Variants in PALM2AKAP2 observed in about 807,000 individuals in gnomAD.
PALM2AKAP2 encodes the protein PALM2 and AKAP2 fusion.
PALM2AKAP2 carries 37 observed loss-of-function variants against 71.5 expected under a neutral mutation model. That is an observed-to-expected ratio of 0.52 (90% CI 0.40 to 0.68). PALM2AKAP2 has a LOEUF of 0.68. Ranked by LOEUF, PALM2AKAP2 falls within the 30% of genes least tolerant of loss-of-function variation. PALM2AKAP2 has a pLI of 0.00. For synonymous variants in PALM2AKAP2, 468 were observed against 478.8 expected (o/e 0.98, Z 0.29); for missense variants, 1,224 against 1,191.8 (o/e 1.03, Z -0.40).
intron 1 of PALM2AKAP2, among the ~76,000 whole-genome samples, chr9:110,085,431 C>T (rs1259248012): frequency 6.6e-6 from 1 of 151,048 alleles, no homozygotes. Flanking sequence ...CAGGAAGACC[C>T]ATGGCTGTGG....
At chr9:109,672,575 T>A (rs948549467) in intron 1 of PALM2AKAP2, among the ~76,000 whole-genome samples, 1 of 152,158 alleles carries the variant, frequency 6.6e-6, no homozygotes, top group African/African-American at 2.4e-5. Context: ...TTTTTTGTTG[T>A]TGTATCTCTG....
chr9:110,119,082 C>T (rs1328039176), intron 1 of PALM2AKAP2, among the ~76,000 whole-genome samples: 6 of 151,852 alleles, frequency 4.0e-5, no homozygotes, highest in East Asian at 1.9e-4. Flanking sequence ...CAGTGGTTCA[C>T]GCCTGTAATC....
chr9:110,136,986 T>C, exon 2 of PALM2AKAP2: 1 of 1,613,810 alleles, frequency 6.2e-7, no homozygotes, highest in Non-Finnish European at 8.5e-7. Context: ...GAAAAAACCA[T>C]CGAGGAGCAG....
intron 1 of PALM2AKAP2, among the ~76,000 whole-genome samples, chr9:110,064,778 CT>C (rs1834039769): frequency 6.6e-6 from 1 of 152,162 alleles, no homozygotes; most frequent in Non-Finnish European, 1.5e-5. Context: ...GAAACGACCC[CT>C]CATTCATTAT....
At chr9:110,119,954 T>G (rs1388554104) in intron 1 of PALM2AKAP2, among the ~76,000 whole-genome samples, 1 of 152,222 alleles carries the variant, frequency 6.6e-6, no homozygotes, top group Non-Finnish European at 1.5e-5. Context: ...AGCAGTGGTA[T>G]TATGCCATTT....
intron 1 of PALM2AKAP2, among the ~76,000 whole-genome samples, chr9:110,131,557 C>G (rs1368943819): frequency 1.3e-5 from 2 of 152,182 alleles, no homozygotes; most frequent in Non-Finnish European, 2.9e-5. Flanking sequence ...GATACCAAGC[C>G]CAGATTCCTG....
intron 1 of PALM2AKAP2, among the ~76,000 whole-genome samples, chr9:109,844,046 T>A (rs1828783178): frequency 6.6e-6 from 1 of 152,242 alleles, no homozygotes; most frequent in Non-Finnish European, 1.5e-5. Context: ...TGCCTTTTGA[T>A]GATTTATTTG....
intron 1 of PALM2AKAP2, among the ~76,000 whole-genome samples, chr9:110,117,478 T>C (rs1835388291): frequency 1.3e-5 from 2 of 152,330 alleles, no homozygotes; most frequent in South Asian, 4.1e-4. Flanking sequence ...CAGCTTTTCA[T>C]CACCCCTTTA....
At chr9:109,734,840 G>T (rs905185590) in intron 1 of PALM2AKAP2, among the ~76,000 whole-genome samples, 1 of 152,018 alleles carries the variant, frequency 6.6e-6, no homozygotes, top group Non-Finnish European at 1.5e-5. Context: ...ACGGAAAGAG[G>T]GTCCCTCTGC....
At chr9:109,988,894 G>A (rs1429707726) in intron 6 of PALM2AKAP2, among the ~76,000 whole-genome samples, 1 of 152,148 alleles carries the variant, frequency 6.6e-6, no homozygotes, top group Non-Finnish European at 1.5e-5. Context: ...CTGTTCTCGT[G>A]TTAGTGAATA....
chr9:109,845,182 G>C (rs1427518686), intron 1 of PALM2AKAP2, among the ~76,000 whole-genome samples: 1 of 152,148 alleles, frequency 6.6e-6, no homozygotes, highest in Non-Finnish European at 1.5e-5. Flanking sequence ...GACCTGAAAG[G>C]GAAGCCCAGG....
intron 1 of PALM2AKAP2, among the ~76,000 whole-genome samples, chr9:109,838,135 C>G (rs182384082): frequency 6.6e-6 from 1 of 152,166 alleles, no homozygotes; most frequent in African/African-American, 2.4e-5. Context: ...AAGTAAAGCA[C>G]TCCTCAGCAA....
At chr9:110,004,570 T>C (rs1832743310) in intron 6 of PALM2AKAP2, among the ~76,000 whole-genome samples, 1 of 152,176 alleles carries the variant, frequency 6.6e-6, no homozygotes, top group African/African-American at 2.4e-5. Flanking sequence ...AACCTGAATG[T>C]TGGCCTGCCT....
At chr9:109,970,176 C>T (rs889650609) in intron 6 of PALM2AKAP2, among the ~76,000 whole-genome samples, 1 of 152,102 alleles carries the variant, frequency 6.6e-6, no homozygotes, top group Non-Finnish European at 1.5e-5. Flanking sequence ...TCCAGTTCAT[C>T]TCAGAACAGT....
intron 1 of PALM2AKAP2, among the ~76,000 whole-genome samples, chr9:109,798,359 T>G (rs1827323452): frequency 6.6e-6 from 1 of 152,178 alleles, no homozygotes; most frequent in Non-Finnish European, 1.5e-5. Context: ...GCAGTGATGG[T>G]CAAGCGTACC....
chr9:109,761,962 A>C (rs1767925128), intron 1 of PALM2AKAP2, among the ~76,000 whole-genome samples: 1 of 152,196 alleles, frequency 6.6e-6, no homozygotes, highest in African/African-American at 2.4e-5. Context: ...GTCATTAGAG[A>C]AATGCGAGTC....
At chr9:109,663,161 T>C (rs1043785550) in intron 1 of PALM2AKAP2, among the ~76,000 whole-genome samples, 6 of 152,234 alleles carry the variant, frequency 3.9e-5, no homozygotes, top group African/African-American at 1.4e-4. Context: ...ATTGATTTTT[T>C]GAAAGGTTTT....
At chr9:109,771,131 C>T (rs1829254579) in intron 1 of PALM2AKAP2, among the ~76,000 whole-genome samples, 1 of 152,208 alleles carries the variant, frequency 6.6e-6, no homozygotes, top group Non-Finnish European at 1.5e-5. Flanking sequence ...TCCTTCGAGG[C>T]TGTGACTTTA....
At chr9:109,879,582 C>T (rs1419483963) in intron 2 of PALM2AKAP2, among the ~76,000 whole-genome samples, 1 of 152,178 alleles carries the variant, frequency 6.6e-6, no homozygotes, top group Non-Finnish European at 1.5e-5. Flanking sequence ...TTTTCTGGAA[C>T]TGTTTTCATT....
Sources: allele counts gnomAD v4.1 joint callset (sites outside exome capture counted in the v4.1 genomes callset), GRCh38; gene constraint gnomAD v4.1.1; transcripts MANE v1.5; gene names NCBI Gene and HGNC (gene_info 2026-07-23, HGNC 2026-07-21).